The following TRIM33 variants were observed in gnomAD, a reference collection of about 807,000 sequenced individuals.
TRIM33 encodes tripartite motif containing 33.
TRIM33 carries 20 observed loss-of-function variants against 125.4 expected under a neutral mutation model. The observed-to-expected ratio is 0.16, with a 90% CI of 0.11 to 0.23. TRIM33 has a LOEUF of 0.23. TRIM33 is among the 10% of genes least tolerant of loss of function. TRIM33 has a pLI of 1.00. For missense variants in TRIM33, 920 were observed against 1,411.4 expected (o/e 0.65, Z 5.58); for synonymous variants, 564 against 513.9 (o/e 1.10, Z -1.32).
At chr1:114,483,973 T>C (rs904840303) in intron 1 of TRIM33, among the ~76,000 whole-genome samples, 5 of 152,164 alleles carry the variant, frequency 3.3e-5, no homozygotes, top group Non-Finnish European at 5.9e-5. Flanking sequence ...TGTTACAGTT[T>C]GTAAGTGGAG....
At chr1:114,476,313 A>G (rs1349870060) in intron 1 of TRIM33, among the ~76,000 whole-genome samples, 1 of 152,086 alleles carries the variant, frequency 6.6e-6, no homozygotes, top group African/African-American at 2.4e-5. Context: ...GTAAATAAAA[A>G]CATCACTACA....
At chr1:114,489,305 A>G (rs1018605569) in intron 1 of TRIM33, among the ~76,000 whole-genome samples, 2 of 152,248 alleles carry the variant, frequency 1.3e-5, no homozygotes, top group South Asian at 4.1e-4. Context: ...ACTTTATCAG[A>G]GAATCTGAAT....
chr1:114,444,795 TC>T (rs1648873818), intron 4 of TRIM33, among the ~76,000 whole-genome samples: 1 of 152,102 alleles, frequency 6.6e-6, no homozygotes, highest in South Asian at 2.1e-4. Context: ...TATCAGGCAT[TC>T]AAAGAAATAG....
chr1:114,412,944 T>C (rs1189856552), intron 11 of TRIM33, among the ~76,000 whole-genome samples: 3 of 152,240 alleles, frequency 2.0e-5, no homozygotes, highest in Non-Finnish European at 2.9e-5. Flanking sequence ...TTCAAAGTGA[T>C]TGTACCATTT....
intron 1 of TRIM33, among the ~76,000 whole-genome samples, chr1:114,505,873 T>G (rs1321723281): frequency 2.6e-5 from 4 of 152,112 alleles, no homozygotes; most frequent in Non-Finnish European, 5.9e-5. Flanking sequence ...CAGTCCACAG[T>G]AAGTTGAAGA....
intron 11 of TRIM33, chr1:114,420,544 T>C: frequency 1.6e-6 from 1 of 630,566 alleles, no homozygotes; most frequent in Middle Eastern, 2.9e-4. Context: ...TTCCCATAAT[T>C]TGCTATTCAT....
intron 10 of TRIM33, among the ~76,000 whole-genome samples, chr1:114,421,968 T>C (rs1422356711): frequency 6.6e-6 from 1 of 152,214 alleles, no homozygotes. Context: ...ATTCGGTCAT[T>C]ATTCCTCTTC....
In TRIM33 at chr1:114,510,947, C is replaced by G; in HGVS notation, c.130G>C (p.Glu44Gln). The change falls in exon 1 of 20, where the codon GAG (glutamate) becomes CAG (glutamine). Residue 44 changes from glutamate to glutamine, a missense_variant. Physicochemically the swap from Glu to Gln is conservative, Grantham distance 29 (BLOSUM62 2). This residue lies in a region of TRIM33 where 233 missense variants were observed against 189.6 expected (regional missense o/e 1.23). Coordinates refer to ENST00000358465, the MANE Select transcript of TRIM33 (RefSeq NM_015906.4). ...AEPPLTAVLV[E>Q]EEEEEGGRAG... is the part of the protein sequence containing the mutation. ...CTGCCGCCTTCCTCCTCCTCCTCCT[C>G]CACCAGCACCGCGGTGAGAGGCGGC... 7.1e-7 allele frequency: 1 copy of G among 1,406,746 alleles called. No homozygotes were observed. The highest frequency in any genetic ancestry group is 1.5e-5 in the South Asian group (1 of 66,952). 87.1% of individuals were successfully genotyped at this position (1,406,746 alleles called of 1,614,324 possible). A position where few individuals can be genotyped will look rare whatever the true frequency, so the allele number is the denominator to read the frequency against.
intron 11 of TRIM33, among the ~76,000 whole-genome samples, chr1:114,416,623 A>G (rs892861832): frequency 6.6e-6 from 1 of 152,228 alleles, no homozygotes; most frequent in Non-Finnish European, 1.5e-5. Context: ...TCTACACACT[A>G]AAGTATAATT....
rs151047168 is a variant in TRIM33, at chr1:114,424,491, C to T, written c.1860+100G>A. 181 of 1,070,142 alleles carry T rather than the reference C, an allele frequency of 1.7e-4. No individual in the cohort carries two copies. The African/African-American group carries it at 2.8e-3, about 16-fold the overall frequency. 66.3% of individuals were successfully genotyped at this position (1,070,142 alleles called of 1,614,324 possible). On this transcript the variant is annotated intron_variant, in intron 10 of 19. Coordinates refer to ENST00000358465, the MANE Select transcript of TRIM33 (RefSeq NM_015906.4). The stretch of plus-strand genomic sequence containing the variant: ...GAGGATATACAGCATTAATCAAATT[C>T]TCAAACACATCAATGACCTGCTCCC...
Position 114,424,636 on chromosome 1 carries a change from G to T in TRIM33, c.1815C>A (p.His605Gln), listed in dbSNP as rs767038662. 1 of 1,610,494 alleles carries T rather than the reference G, an allele frequency of 6.2e-7. No homozygotes were observed. Residue 605 changes from histidine (H) to glutamine (Q), a missense_variant, in exon 10 of 20, where the codon CAC becomes CAA. Coordinates refer to ENST00000358465, the MANE Select transcript of TRIM33 (RefSeq NM_015906.4). Reference protein sequence around the residue: ...NAARIPGIPRHSGPQYSMMQP... With the variant: ...NAARIPGIPRQSGPQYSMMQP... Reference sequence around the variant, plus strand: ...GCATCATGGAATATTGAGGGCCGCTGTGCCTGGGTATCCCTGGTATTCTGG... The same window carrying T: ...GCATCATGGAATATTGAGGGCCGCTTTGCCTGGGTATCCCTGGTATTCTGG...
intron 1 of TRIM33, among the ~76,000 whole-genome samples, chr1:114,466,034 C>T (rs955070557): frequency 2.0e-5 from 3 of 148,542 alleles, no homozygotes; most frequent in South Asian, 2.1e-4. Context: ...CAGAGAGACT[C>T]GGTCTCAAAA....
At chr1:114,488,125 A>T (rs561437170) in intron 1 of TRIM33, among the ~76,000 whole-genome samples, 1 of 152,248 alleles carries the variant, frequency 6.6e-6, no homozygotes, top group South Asian at 2.1e-4. Context: ...ATGTCAATAC[A>T]AAGACTTTAA....
rs981707085 is a variant in TRIM33 at position 114,468,762 on chromosome 1, G to C, written c.527-4374C>G. On this transcript the variant is annotated intron_variant, in intron 1 of 19. Coordinates refer to ENST00000358465, the MANE Select transcript of TRIM33 (RefSeq NM_015906.4). ...GAAAGACAAAGTTCTAGAAGATGAAGACAGCAAAAAAGATGACAGTATCTC... is the reference window on the plus strand; with the variant it reads ...GAAAGACAAAGTTCTAGAAGATGAACACAGCAAAAAAGATGACAGTATCTC... 5 of 383,556 alleles carry C rather than the reference G, an allele frequency of 1.3e-5. No individual in the cohort carries two copies. In the Admixed American group the frequency reaches 1.8e-4, roughly 14 times the overall value. The allele number at this position is 383,556 out of a possible 1,614,324, so 23.8% of individuals were successfully genotyped here.
intron 12 of TRIM33, 89 bp from the exon 13 acceptor site, chr1:114,408,829 AC>A: frequency 1.1e-6 from 1 of 896,034 alleles, no homozygotes; most frequent in Non-Finnish European, 1.7e-6. Flanking sequence ...GATTATTATA[AC>A]CCAGCTAAAA....
intron 4 of TRIM33, among the ~76,000 whole-genome samples, chr1:114,456,634 G>A (rs74113189): frequency 0.043 from 6,592 of 152,202 alleles, 155 homozygotes; most frequent in African/African-American, 0.063. Context: ...ATTTGCCTTT[G>A]AGTGGGAGAG....
intron 1 of TRIM33, 95 bp from the exon 2 acceptor site, chr1:114,464,483 G>C (rs949238283): frequency 3.0e-6 from 2 of 664,930 alleles, no homozygotes; most frequent in African/African-American, 3.8e-5. Flanking sequence ...TCACAGAGAA[G>C]ACCAAAGAAA....
intron 4 of TRIM33, among the ~76,000 whole-genome samples, chr1:114,452,753 T>C (rs1246533796): frequency 7.7e-6 from 1 of 129,674 alleles, no homozygotes; most frequent in Non-Finnish European, 1.6e-5. Flanking sequence ...AAAAAAAAAA[T>C]TAGCCAGGGA....
intron 1 of TRIM33, among the ~76,000 whole-genome samples, chr1:114,472,476 T>TA (rs1323744081): frequency 6.6e-6 from 1 of 152,230 alleles, no homozygotes; most frequent in Non-Finnish European, 1.5e-5. Context: ...CTCACGCCTG[T>TA]AATCCCAACA....
Sources: gnomAD v4.1 joint callset for allele counts (sites outside exome capture counted in the v4.1 genomes callset) on GRCh38, gnomAD v4.1.1 for gene constraint, gnomAD v4.1.1 regional missense constraint, MANE v1.5 for transcripts, NCBI Gene and HGNC (gene_info 2026-07-23, HGNC 2026-07-21) for gene names.